SERPINE2: variants seen among roughly 807,000 people sequenced by gnomAD.
SERPINE2 encodes serpin family E member 2, also known as glia-derived nexin.
Under a neutral mutation model 36.3 loss-of-function variants are expected in SERPINE2, and 14 were observed. That is an observed-to-expected ratio of 0.39 (90% CI 0.25 to 0.60). SERPINE2 has a LOEUF of 0.60. Ranked by LOEUF, SERPINE2 falls within the 20% of genes least tolerant of loss-of-function variation. SERPINE2 has a pLI of 0.57. For synonymous variants in SERPINE2, 192 were observed against 191.8 expected, an observed-to-expected ratio of 1.00 and a Z score of -0.01; for missense variants, 418 against 499.6, an observed-to-expected ratio of 0.84 and a Z score of 1.56.
chr2:224,039,011 G>C lies in SERPINE2; in HGVS notation c.-23+88C>G, dbSNP rs1312971795. Reference sequence around the variant, plus strand: ...GGCCGGGCGCAAGGTCAGGGAGCAGGGCCGGTGGCGCGCGGAGCCCCGGGG... The same window carrying C: ...GGCCGGGCGCAAGGTCAGGGAGCAGCGCCGGTGGCGCGCGGAGCCCCGGGG... On this transcript the variant is annotated intron_variant, in intron 1 of 8. Coordinates refer to ENST00000409304, the MANE Select transcript of SERPINE2 (RefSeq NM_001136528.2). This position sits in a 1 kb window ranked among gnomAD's most constrained non-coding sequence, Gnocchi z 5.2. The C allele has an allele frequency of 3.3e-5, 5 of 152,120 alleles. No individual in the cohort carries two copies. The highest frequency in any genetic ancestry group is 1.2e-4 in the African/African-American group (5 of 41,406). The allele number at this position is 152,120 out of a possible 1,614,324, so 9.4% of individuals were successfully genotyped here.
At chr2:224,016,297 T>G (rs4674845) in intron 1 of SERPINE2, among the ~76,000 whole-genome samples, 143,758 of 152,288 alleles carry the variant, frequency 0.94, 68,204 homozygotes, top group Non-Finnish European at 0.99. Flanking sequence ...CCCGAGGTCA[T>G]GAGTTCAAGA....
At chr2:224,016,606 G>C (rs1691808573) in intron 1 of SERPINE2, among the ~76,000 whole-genome samples, 1 of 151,754 alleles carries the variant, frequency 6.6e-6, no homozygotes, top group African/African-American at 2.4e-5. Context: ...GCACTTAACT[G>C]TATAATCCAG....
chr2:224,007,784 T>C (rs1691479970), intron 1 of SERPINE2, among the ~76,000 whole-genome samples: 1 of 152,220 alleles, frequency 6.6e-6, no homozygotes, highest in South Asian at 2.1e-4. Flanking sequence ...ATTTTTTCTG[T>C]TGAAAAAAAC....
In SERPINE2 at chr2:223,975,741, T is replaced by C; in HGVS notation, c.*126A>G. ...GAAACACTTGCATCGAGTCTGTTCC[T>C]AAGAACTAGTTTTGAAAAAGAAGCG... On this transcript the variant is annotated 3_prime_UTR_variant, in exon 9 of 9. Coordinates refer to ENST00000409304, the MANE Select transcript of SERPINE2 (RefSeq NM_001136528.2). 1.3e-6 allele frequency: 1 copy of C among 743,176 alleles called. No individual in the cohort carries two copies. The allele number at this position is 743,176 out of a possible 1,614,324, so 46.0% of individuals were successfully genotyped here.
At chr2:224,015,195 G>T (rs567720387) in intron 1 of SERPINE2, among the ~76,000 whole-genome samples, 33 of 152,196 alleles carry the variant, frequency 2.2e-4, no homozygotes, top group Non-Finnish European at 3.2e-4. Context: ...GGGAAGCCTG[G>T]TCTAGAGGGG....
chr2:224,036,353 C>A (rs1332451723), intron 1 of SERPINE2, among the ~76,000 whole-genome samples: 30 of 147,264 alleles, frequency 2.0e-4, no homozygotes, highest in Admixed American at 5.4e-4. Context: ...AAAAAAAAAA[C>A]CATCAGAAAG....
At chr2:224,006,939 C>A (rs1691447689) in intron 1 of SERPINE2, among the ~76,000 whole-genome samples, 1 of 152,272 alleles carries the variant, frequency 6.6e-6, no homozygotes, top group South Asian at 2.1e-4. Context: ...TGCCTCACAC[C>A]CTGCCATGGC....
intron 1 of SERPINE2, among the ~76,000 whole-genome samples, chr2:224,008,742 CTAATAAACCCTAAATGTTTTAAACTG>C (rs1018299206): frequency 1.3e-5 from 2 of 152,208 alleles, no homozygotes; most frequent in Non-Finnish European, 2.9e-5. Flanking sequence ...GCACCCTTAT[CTAATAAACCCTAAATGTTTTAAACTG>C]TGGAAATGCT....
At chr2:224,030,331 A>C in intron 1 of SERPINE2, 1 of 565,174 alleles carries the variant, frequency 1.8e-6, no homozygotes, top group Non-Finnish European at 2.2e-6. Flanking sequence ...CATCAGGCCA[A>C]AGACACGAGG....
At chr2:223,998,476 G>C (rs1301632727) in intron 2 of SERPINE2, 134 bp from the exon 3 acceptor site, 1 of 647,688 alleles carries the variant, frequency 1.5e-6, no homozygotes, top group African/African-American at 1.8e-5. Flanking sequence ...CCAGCAATTT[G>C]AGAGGCTGAG....
chr2:223,989,258 T>C (rs1395383426), intron 4 of SERPINE2, among the ~76,000 whole-genome samples: 1 of 152,238 alleles, frequency 6.6e-6, no homozygotes, highest in East Asian at 1.9e-4. Flanking sequence ...CTTTTTGTTA[T>C]CAAGCAAATA....
At chr2:224,012,057 T>G (rs1438326207) in intron 1 of SERPINE2, among the ~76,000 whole-genome samples, 2 of 152,196 alleles carry the variant, frequency 1.3e-5, no homozygotes, top group Non-Finnish European at 2.9e-5. Flanking sequence ...ACTCCCTCCC[T>G]GAGGACTAAC....
At chr2:224,036,917 G>C (rs918844705) in intron 1 of SERPINE2, among the ~76,000 whole-genome samples, 2 of 151,652 alleles carry the variant, frequency 1.3e-5, no homozygotes, top group Non-Finnish European at 2.9e-5. Flanking sequence ...GAGGCACTGG[G>C]AGTTGGGATT....
At chr2:223,995,369 C>T (rs1475678231) in intron 3 of SERPINE2, among the ~76,000 whole-genome samples, 2 of 152,196 alleles carry the variant, frequency 1.3e-5, no homozygotes, top group Non-Finnish European at 2.9e-5. Context: ...GGGGGCAGTT[C>T]ACCCCCAGGT....
At chr2:223,977,150 C>G (rs1301300810) in intron 8 of SERPINE2, among the ~76,000 whole-genome samples, 1 of 152,156 alleles carries the variant, frequency 6.6e-6, no homozygotes, top group Non-Finnish European at 1.5e-5. Flanking sequence ...ATTACCCACT[C>G]TAGGGTATTT....
chr2:224,016,061 T>A (rs1214999092), intron 1 of SERPINE2, among the ~76,000 whole-genome samples: 1 of 152,236 alleles, frequency 6.6e-6, no homozygotes, highest in Non-Finnish European at 1.5e-5. Context: ...GAAATCCAAA[T>A]TTTTAAAACC....
At chr2:223,990,366 C>A (rs1406985085) in intron 4 of SERPINE2, among the ~76,000 whole-genome samples, 1 of 152,146 alleles carries the variant, frequency 6.6e-6, no homozygotes, top group Non-Finnish European at 1.5e-5. Context: ...AAATCAGTTT[C>A]CAAATGAAAA....
chr2:224,019,055 G>C (rs1691897227), intron 1 of SERPINE2, among the ~76,000 whole-genome samples: 1 of 152,070 alleles, frequency 6.6e-6, no homozygotes, highest in South Asian at 2.1e-4. Flanking sequence ...GTCTGGATTT[G>C]GCTTCCTTTT....
intron 1 of SERPINE2, among the ~76,000 whole-genome samples, chr2:224,037,530 C>T (rs944674851): frequency 6.6e-6 from 1 of 152,174 alleles, no homozygotes; most frequent in Admixed American, 6.5e-5. Context: ...GAGCGTCCCC[C>T]ACATGGACTT....
Sources: gnomAD v4.1 joint callset for allele counts (sites outside exome capture counted in the v4.1 genomes callset) on GRCh38, gnomAD v4.1.1 for gene constraint, Gnocchi (gnomAD v3.1) non-coding constraint, MANE v1.5 for transcripts, NCBI Gene and HGNC (gene_info 2026-07-23, HGNC 2026-07-21) for gene names.